The following CALU variants were observed in gnomAD, a reference collection of about 807,000 sequenced individuals.
CALU encodes calumenin, also known as IEF SSP 9302.
CALU carries 13 observed loss-of-function variants against 37.5 expected under a neutral mutation model. That is an observed-to-expected ratio of 0.35 (90% CI 0.23 to 0.55). The LOEUF (loss-of-function observed/expected upper bound fraction) is 0.55. CALU is among the 20% of genes least tolerant of loss of function. The pLI is 0.89. For missense variants in CALU, 282 were observed against 391.7 expected, an observed-to-expected ratio of 0.72 and a Z score of 2.36; for synonymous variants, 114 against 133.8, an observed-to-expected ratio of 0.85 and a Z score of 1.02.
At chr7:128,747,383 G>A (rs995916205) in intron 1 of CALU, among the ~76,000 whole-genome samples, 7 of 152,044 alleles carry the variant, frequency 4.6e-5, no homozygotes, top group Non-Finnish European at 8.8e-5. Flanking sequence ...TAACCTTCAC[G>A]TCATCAGTAA....
intron 1 of CALU, among the ~76,000 whole-genome samples, chr7:128,743,737 C>A (rs1800326065): frequency 6.6e-6 from 1 of 152,060 alleles, no homozygotes; most frequent in African/African-American, 2.4e-5. Context: ...GTCTTGAACA[C>A]CAGCATTCCA....
At chr7:128,764,259 C>G (rs1468405744) in intron 5 of CALU, among the ~76,000 whole-genome samples, 1 of 149,706 alleles carries the variant, frequency 6.7e-6, no homozygotes, top group Non-Finnish European at 1.5e-5. Flanking sequence ...GCAACCCTGT[C>G]TCTACAAAAA....
At chr7:128,749,204 G>A (rs562097893) in intron 2 of CALU, among the ~76,000 whole-genome samples, 9 of 152,240 alleles carry the variant, frequency 5.9e-5, no homozygotes, top group Non-Finnish European at 1.2e-4. Context: ...GCTAATAAAC[G>A]GCACATTGGA....
At chr7:128,746,143 T>C (rs1800425694) in intron 1 of CALU, among the ~76,000 whole-genome samples, 2 of 152,128 alleles carry the variant, frequency 1.3e-5, no homozygotes, top group Admixed American at 6.5e-5. Context: ...TGCAGATAGA[T>C]GCATCTCGTT....
Position 128,772,902 on chromosome 7 carries a change from C to A in CALU, c.*3735C>A, listed in dbSNP as rs764287739. Reference sequence around the variant, plus strand: ...CCTCACTGTTGGTAAATTCACAAACCATCCTGCTTCATAAAAGCACTGTCA... The same window carrying A: ...CCTCACTGTTGGTAAATTCACAAACAATCCTGCTTCATAAAAGCACTGTCA... On this transcript the variant is annotated 3_prime_UTR_variant, in exon 7 of 7. Transcript: ENST00000249364. Among the ~76,000 whole-genome samples the A allele has an allele frequency of 4.9e-4, 74 of 152,154 alleles. No homozygotes were observed. Among genetic ancestry groups the A allele is most frequent in the Non-Finnish European group, 9.3e-4 (63 of 68,034 alleles).
chr7:128,754,780 G>A (rs2128880097), intron 3 of CALU: 2 of 1,013,888 alleles, frequency 2.0e-6, no homozygotes, highest in Admixed American at 5.3e-5. Flanking sequence ...AGAAACAAAT[G>A]GGTCACACAG....
At chr7:128,767,678 G>T (rs374114486) in intron 6 of CALU, 23 bp downstream of exon 6, 3 of 1,591,772 alleles carry the variant, frequency 1.9e-6, no homozygotes, top group Non-Finnish European at 2.6e-6. Context: ...AGGCCCACAC[G>T]CTCTATCCTT....
At chr7:128,768,367 G>A (rs965197505) in intron 6 of CALU, among the ~76,000 whole-genome samples, 2 of 152,134 alleles carry the variant, frequency 1.3e-5, no homozygotes, top group Non-Finnish European at 2.9e-5. Context: ...GTAGCCAGGT[G>A]TTGTGTCCTG....
chr7:128,743,550 C>T (rs1241998064), intron 1 of CALU, among the ~76,000 whole-genome samples: 11 of 149,666 alleles, frequency 7.3e-5, no homozygotes, highest in African/African-American at 2.7e-4. Flanking sequence ...GAGACAGGGT[C>T]TTGTTCCCTC....
In CALU at chr7:128,767,473, G is replaced by C. The variant is rs1240643484; in HGVS notation, c.661G>C (p.Asp221His). ...EEYIGDMYSH[D>H]GNTDEPEWVK... ...GTACCCAGGTGACATGTACAGCCAT[G>C]ATGGGAATACTGATGAGCCAGAATG... is the stretch of plus-strand genomic sequence containing the variant. Residue 221 changes from aspartate (D) to histidine (H), a missense_variant, in exon 6 of 7, where the codon GAT becomes CAT. Asp to His is a moderately conservative substitution (Grantham distance 81). Coordinates refer to ENST00000249364, the MANE Select transcript of CALU (RefSeq NM_001219.5). 4 of 1,613,656 alleles carry C rather than the reference G, an allele frequency of 2.5e-6. No individual in the cohort carries two copies. In the South Asian group the frequency reaches 4.4e-5, roughly 18 times the overall value.
At chr7:128,746,731 C>G (rs1166653941) in intron 1 of CALU, among the ~76,000 whole-genome samples, 1 of 150,108 alleles carries the variant, frequency 6.7e-6, no homozygotes, top group South Asian at 2.1e-4. Context: ...GGATTACAGG[C>G]GTGAACCACC....
chr7:128,747,320 G>C (rs1218458427), intron 1 of CALU, among the ~76,000 whole-genome samples: 1 of 152,040 alleles, frequency 6.6e-6, no homozygotes, highest in Non-Finnish European at 1.5e-5. Context: ...TTTCTCTATG[G>C]GTTTCATGGT....
rs911858679 is a variant in CALU at position 128,773,346 on chromosome 7, A to G, written c.*4179A>G. Among the ~76,000 whole-genome samples, 1 of 152,152 alleles carries G rather than the reference A, an allele frequency of 6.6e-6. No homozygotes were observed. Among genetic ancestry groups the G allele is most frequent in the Non-Finnish European group, 1.5e-5 (1 of 68,034 alleles). On this transcript the variant is annotated 3_prime_UTR_variant, in exon 7 of 7. Transcript: ENST00000249364. Reference sequence around the variant, plus strand: ...GATGTGCAGGTTTGTTACATAGGTAAACGTGTGCCATGGTGGTTTGCTGCA... The same window carrying G: ...GATGTGCAGGTTTGTTACATAGGTAGACGTGTGCCATGGTGGTTTGCTGCA...
chr7:128,741,354 G>C (rs547265120), intron 1 of CALU, among the ~76,000 whole-genome samples: 9 of 152,308 alleles, frequency 5.9e-5, no homozygotes, highest in Middle Eastern at 3.4e-3. Context: ...TATTAATCCA[G>C]TAAAATGTAT....
intron 1 of CALU, among the ~76,000 whole-genome samples, chr7:128,744,994 G>A (rs1584999765): frequency 6.6e-6 from 1 of 152,286 alleles, no homozygotes; most frequent in East Asian, 1.9e-4. Context: ...TTACATTTCT[G>A]TATGCTACAT....
chr7:128,765,647 C>A (rs899100860), intron 5 of CALU, among the ~76,000 whole-genome samples: 1 of 152,124 alleles, frequency 6.6e-6, no homozygotes, highest in Admixed American at 6.5e-5. Flanking sequence ...GTTACTATTA[C>A]AATTATTAAT....
chr7:128,740,594 G>A (rs1441184475), intron 1 of CALU, among the ~76,000 whole-genome samples: 1 of 127,310 alleles, frequency 7.9e-6, no homozygotes, highest in Non-Finnish European at 1.6e-5. Flanking sequence ...TAACCTCTAA[G>A]TTGTATTTGT....
chr7:128,739,660 G>A (rs574840670), intron 1 of CALU, among the ~76,000 whole-genome samples: 1 of 152,242 alleles, frequency 6.6e-6, no homozygotes, highest in African/African-American at 2.4e-5. Flanking sequence ...GAAGGGGGCT[G>A]GTCCGGTGGA....
intron 5 of CALU, among the ~76,000 whole-genome samples, chr7:128,765,301 G>T (rs1391052317): frequency 6.6e-6 from 1 of 152,070 alleles, no homozygotes; most frequent in African/African-American, 2.4e-5. Flanking sequence ...GTTCATTGCA[G>T]CCTCGATCTG....
Sources: allele counts gnomAD v4.1 joint callset (sites outside exome capture counted in the v4.1 genomes callset), GRCh38; gene constraint gnomAD v4.1.1; transcripts MANE v1.5; gene names NCBI Gene and HGNC (gene_info 2026-07-23, HGNC 2026-07-21).